RAB3B: variants seen among roughly 807,000 people sequenced by gnomAD.
RAB3B encodes the protein RAB3B, member RAS oncogene family.
Under a neutral mutation model 20.5 loss-of-function variants are expected in RAB3B, and 11 were observed. That is an observed-to-expected ratio of 0.54 (90% CI 0.34 to 0.89). The LOEUF (loss-of-function observed/expected upper bound fraction) is 0.89. RAB3B is among the 40% of genes least tolerant of loss of function. RAB3B has a pLI of 0.02. For synonymous variants in RAB3B, 99 were observed against 106.3 expected (o/e 0.93, Z 0.42); for missense variants, 225 against 280.9 (o/e 0.80, Z 1.42).
At position 51,919,915 on chromosome 1, in the gene RAB3B, G is replaced by A. The variant is rs757102755; in HGVS notation, c.*12C>T. 6 of 1,607,328 alleles carry A rather than the reference G, an allele frequency of 3.7e-6. No homozygotes were observed. In the Admixed American group the frequency reaches 5.0e-5, roughly 13 times the overall value. The stretch of plus-strand genomic sequence containing the variant: ...GGCCACAATGAGGGGAGGTCAGGAA[G>A]GTGGGCCTTGCCTAGCATGAGCAGT... On this transcript the variant is annotated 3_prime_UTR_variant, in exon 5 of 5. Transcript: ENST00000371655.
At chr1:51,989,680 C>T (rs114756288) in intron 1 of RAB3B, among the ~76,000 whole-genome samples, 19 of 152,076 alleles carry the variant, frequency 1.2e-4, no homozygotes, top group African/African-American at 4.3e-4. Flanking sequence ...ATGTAGGCCC[C>T]TGTGTCCATT....
chr1:51,989,474 A>G (rs1251587359), intron 1 of RAB3B, among the ~76,000 whole-genome samples: 1 of 151,748 alleles, frequency 6.6e-6, no homozygotes, highest in Non-Finnish European at 1.5e-5. Flanking sequence ...TGGCCGAGAC[A>G]CCGCTAGTGC....
chr1:51,949,237 T>G (rs1172898678), intron 2 of RAB3B, among the ~76,000 whole-genome samples: 3 of 152,254 alleles, frequency 2.0e-5, no homozygotes, highest in African/African-American at 7.2e-5. Flanking sequence ...TGCTGATCTT[T>G]GCCTGGAATG....
In RAB3B at chr1:51,912,045, A is replaced by G. The variant is rs1684005276; in HGVS notation, c.*7882T>C. ...GGGCTAGAAACAGAATCAATAAAAT[A>G]GGTATTAATAATAATGGAAGTCTCT... On this transcript the variant is annotated 3_prime_UTR_variant, in exon 5 of 5. Coordinates refer to ENST00000371655, the MANE Select transcript of RAB3B (RefSeq NM_002867.4). 2.0e-5 allele frequency: 3 copies of G among 151,970 alleles called. No homozygotes were observed. In the South Asian group the frequency reaches 6.2e-4, roughly 31 times the overall value. 9.4% of individuals were successfully genotyped at this position (151,970 alleles called of 1,614,324 possible).
intron 1 of RAB3B, chr1:51,980,459 T>G: frequency 1.7e-6 from 1 of 597,484 alleles, no homozygotes. Flanking sequence ...CTCTCTCCAG[T>G]CCATGCCTCC....
chr1:51,969,988 T>C (rs1466008248), intron 2 of RAB3B, among the ~76,000 whole-genome samples: 1 of 151,554 alleles, frequency 6.6e-6, no homozygotes, highest in African/African-American at 2.4e-5. Flanking sequence ...GAGGATCACC[T>C]GAAGCCAGGA....
At chr1:51,931,682 G>C (rs766720740) in intron 4 of RAB3B, among the ~76,000 whole-genome samples, 1 of 150,242 alleles carries the variant, frequency 6.7e-6, no homozygotes, top group Non-Finnish European at 1.5e-5. Context: ...ATCCAACTGT[G>C]ATGGGTACTG....
At chr1:51,966,427 G>A (rs1446626552) in intron 2 of RAB3B, among the ~76,000 whole-genome samples, 5 of 152,180 alleles carry the variant, frequency 3.3e-5, no homozygotes, top group Non-Finnish European at 7.3e-5. Context: ...ATGGATTAAT[G>A]AATACACAAA....
rs1024860339 is a variant in RAB3B at position 51,967,600 on chromosome 1, C to T, written c.228+9290G>A. 1.1e-4 allele frequency among the ~76,000 whole-genome samples: 14 copies of T among 130,546 alleles called. No homozygotes were observed. In the South Asian group the frequency reaches 1.1e-3, roughly 10 times the overall value. The allele number at this position is 130,546 out of a possible 152,430, so 85.6% of individuals were successfully genotyped here. On this transcript the variant is annotated intron_variant, in intron 2 of 4. Coordinates refer to ENST00000371655, the MANE Select transcript of RAB3B (RefSeq NM_002867.4). ...GCAGTGGTGTGGTTATAGCTCAAGG[C>T]AGCCTTGACCTCCCAGGCTCAAGTG...
chr1:51,968,255 T>G (rs148291469), intron 2 of RAB3B, among the ~76,000 whole-genome samples: 1 of 152,324 alleles, frequency 6.6e-6, no homozygotes, highest in Non-Finnish European at 1.5e-5. Flanking sequence ...TGTGAGATAG[T>G]AAGTTTGTGT....
In RAB3B at chr1:51,916,662, G is replaced by T. The variant is rs1684090119; in HGVS notation, c.*3265C>A. The T allele has an allele frequency of 1.3e-5, 2 of 152,244 alleles. No homozygotes were observed. Among genetic ancestry groups the T allele is most frequent in the Non-Finnish European group, 2.9e-5 (2 of 68,046 alleles). The allele number at this position is 152,244 out of a possible 1,614,324, so 9.4% of individuals were successfully genotyped here. ...AAAGTGGAGCATGGAGGCTCCTGCT[G>T]ATTGGGAGCCTGATAAGTGTTGCCT... is the stretch of plus-strand genomic sequence containing the variant. On this transcript the variant is annotated 3_prime_UTR_variant, in exon 5 of 5. Transcript: ENST00000371655.
chr1:51,967,521 C>CTTTTTTTTTTTTTCTTTTTTTTTTTTT (rs771044746), intron 2 of RAB3B, among the ~76,000 whole-genome samples: 4 of 36,496 alleles, frequency 1.1e-4, no homozygotes, highest in African/African-American at 2.1e-4. Flanking sequence ...TTTTCTTTTT[C>CTTTTTTTTTTTTTCTTTTTTTTTTTTT]TTTTTTTTTT....
In RAB3B at chr1:51,959,950, G is replaced by A. The variant is rs143852345; in HGVS notation, c.228+16940C>T. Among the ~76,000 whole-genome samples, 38 of 152,236 alleles carry A rather than the reference G, an allele frequency of 2.5e-4. No homozygotes were observed. The East Asian group carries it at 7.0e-3, about 28-fold the overall frequency. On this transcript the variant is annotated intron_variant, in intron 2 of 4. Coordinates refer to ENST00000371655, the MANE Select transcript of RAB3B (RefSeq NM_002867.4). ...GGGTTGGGGGTTTAGAGTACACGTG[G>A]GTGGTGCATGGACTGCCTGAAGGGT...
At chr1:51,947,409 A>T (rs370853245) in intron 2 of RAB3B, among the ~76,000 whole-genome samples, 2 of 142,876 alleles carry the variant, frequency 1.4e-5, no homozygotes, top group Non-Finnish European at 3.1e-5. Flanking sequence ...AAAAAAAAAA[A>T]TTCAAATTCT....
intron 2 of RAB3B, among the ~76,000 whole-genome samples, chr1:51,956,446 T>G (rs987492507): frequency 2.6e-5 from 4 of 151,952 alleles, no homozygotes; most frequent in Admixed American, 6.6e-5. Flanking sequence ...GAGCTGGGAG[T>G]TTAACCCCTA....
rs2124227471 is a variant in RAB3B at position 51,919,215 on chromosome 1, C to A, written c.*712G>T. The A allele has an allele frequency of 6.6e-6, 1 of 151,846 alleles. No homozygotes were observed. The allele number at this position is 151,846 out of a possible 1,614,324, so 9.4% of individuals were successfully genotyped here. ...AGCCAGGATGGTCTCGATCTCCTGA[C>A]CTCATGATCCACCCGCCTCGGCCTC... On this transcript the variant is annotated 3_prime_UTR_variant, in exon 5 of 5. Coordinates refer to ENST00000371655, the MANE Select transcript of RAB3B (RefSeq NM_002867.4).
intron 1 of RAB3B, among the ~76,000 whole-genome samples, chr1:51,990,288 C>G (rs1461740110): frequency 7.8e-6 from 1 of 127,996 alleles, no homozygotes; most frequent in Non-Finnish European, 1.7e-5. Context: ...CATCTCTCCT[C>G]CCAGCCCCAG....
At chr1:51,957,357 C>G (rs1684721357) in intron 2 of RAB3B, among the ~76,000 whole-genome samples, 1 of 152,208 alleles carries the variant, frequency 6.6e-6, no homozygotes, top group Non-Finnish European at 1.5e-5. Flanking sequence ...ATCCTCCCCC[C>G]TTAATTTTAG....
chr1:51,937,783 C>G (rs1210403612), intron 2 of RAB3B, among the ~76,000 whole-genome samples: 1 of 152,084 alleles, frequency 6.6e-6, no homozygotes, highest in Non-Finnish European at 1.5e-5. Context: ...AGGAGTGAGC[C>G]ACCGCGCCCA....
Sources: gnomAD v4.1 joint callset for allele counts (sites outside exome capture counted in the v4.1 genomes callset) on GRCh38, gnomAD v4.1.1 for gene constraint, MANE v1.5 for transcripts, NCBI Gene and HGNC (gene_info 2026-07-23, HGNC 2026-07-21) for gene names.